Variants in SRGAP3 observed in about 807,000 individuals in gnomAD.
SRGAP3 encodes SLIT-ROBO Rho GTPase-activating protein 3.
In SRGAP3, 39 loss-of-function variants were observed where a neutral mutation model predicts 121.1. The ratio of observed to expected loss-of-function variants is 0.32; its 90% CI spans 0.25 to 0.42. The LOEUF (loss-of-function observed/expected upper bound fraction) is 0.42. Ranked by LOEUF, SRGAP3 falls within the 10% of genes least tolerant of loss-of-function variation. The pLI, the probability that SRGAP3 is intolerant of heterozygous loss-of-function variation, is 1.00. For synonymous variants in SRGAP3, 601 were observed against 570.0 expected (o/e 1.05, Z -0.77); for missense variants, 1,213 against 1,470.6 (o/e 0.82, Z 2.86).
At chr3:9,195,318 C>A (rs1470190959) in intron 1 of SRGAP3, among the ~76,000 whole-genome samples, 5 of 152,318 alleles carry the variant, frequency 3.3e-5, no homozygotes, top group African/African-American at 1.2e-4. Flanking sequence ...TAGTGGCTCA[C>A]AACGTTCCTA....
chr3:9,336,750 G>A (rs1247538050), intron 1 of SRGAP3, among the ~76,000 whole-genome samples: 1 of 152,126 alleles, frequency 6.6e-6, no homozygotes, highest in Admixed American at 6.5e-5. Context: ...ACTCAGATAG[G>A]TGGAATAAGA....
At chr3:8,993,723 C>T (rs1318148463) in intron 19 of SRGAP3, among the ~76,000 whole-genome samples, 1 of 152,138 alleles carries the variant, frequency 6.6e-6, no homozygotes, top group Non-Finnish European at 1.5e-5. Context: ...CTGTTGATCC[C>T]CTTCCCTTGA....
At chr3:9,013,193 G>A (rs1287829013) in intron 17 of SRGAP3, 115 bp downstream of exon 17, 4 of 1,017,150 alleles carry the variant, frequency 3.9e-6, no homozygotes, top group Admixed American at 2.0e-5. Context: ...ATGAGAAAAT[G>A]TATATGGAAG....
At chr3:9,044,524 A>C (rs1452166869) in intron 10 of SRGAP3, among the ~76,000 whole-genome samples, 1 of 152,208 alleles carries the variant, frequency 6.6e-6, no homozygotes, top group African/African-American at 2.4e-5. Context: ...TATTTCGGGA[A>C]TTTTCCATTT....
At chr3:9,125,274 T>G (rs892473922) in intron 1 of SRGAP3, among the ~76,000 whole-genome samples, 2 of 152,186 alleles carry the variant, frequency 1.3e-5, no homozygotes, top group Admixed American at 1.3e-4. Context: ...ATGCAAAGGT[T>G]TCTATCAATA....
chr3:9,047,676 C>A (rs1221902794), intron 9 of SRGAP3, among the ~76,000 whole-genome samples: 1 of 152,244 alleles, frequency 6.6e-6, no homozygotes, highest in East Asian at 1.9e-4. Context: ...CAGGCGGAGG[C>A]CAGGCCCTTG....
chr3:9,183,207 C>T (rs1951483495), intron 1 of SRGAP3, among the ~76,000 whole-genome samples: 1 of 152,214 alleles, frequency 6.6e-6, no homozygotes, highest in African/African-American at 2.4e-5. Context: ...ACTGATGCCA[C>T]ATTGTTTTAA....
intron 3 of SRGAP3, among the ~76,000 whole-genome samples, chr3:9,286,161 C>T (rs907730404): frequency 1.5e-5 from 2 of 136,742 alleles, no homozygotes; most frequent in Non-Finnish European, 3.2e-5. Flanking sequence ...CACACACACA[C>T]ATTTATCTGT....
Position 9,047,410 on chromosome 3 carries a change from G to C in SRGAP3, c.1389C>G (p.Leu463=), listed in dbSNP as rs374169217. 4 of 1,614,054 alleles carry C rather than the reference G, an allele frequency of 2.5e-6. No individual in the cohort carries two copies. The highest frequency in any genetic ancestry group is 1.3e-5 in the African/African-American group (1 of 74,928). Residue 463 remains leucine, a synonymous_variant, in exon 10 of 22, where the codon CTC becomes CTG. Transcript: ENST00000383836. ...ITKLQAKHDL[L]KQTLGEGERA... ...ACTCACCTTCGCCCAGGGTCTGCTT[G>C]AGTAAATCGTGCTTGGCCTGCAGCT... is the stretch of plus-strand genomic sequence containing the variant.
At chr3:9,111,469 A>G (rs937832727) in intron 2 of SRGAP3, among the ~76,000 whole-genome samples, 5 of 152,222 alleles carry the variant, frequency 3.3e-5, no homozygotes, top group Admixed American at 2.0e-4. Flanking sequence ...GGAACTAAGT[A>G]AAGAACAGCC....
chr3:9,277,961 C>A (rs1052703002), intron 3 of SRGAP3, among the ~76,000 whole-genome samples: 1 of 152,130 alleles, frequency 6.6e-6, no homozygotes, highest in African/African-American at 2.4e-5. Flanking sequence ...CCCAAGCTGT[C>A]TTGTCCCTTC....
intron 1 of SRGAP3, among the ~76,000 whole-genome samples, chr3:9,248,542 G>T (rs1953906020): frequency 6.6e-6 from 1 of 152,172 alleles, no homozygotes; most frequent in Non-Finnish European, 1.5e-5. Context: ...CAGGGAAGGG[G>T]TGGAGGTAGT....
At chr3:9,154,119 G>A (rs1950316114) in intron 1 of SRGAP3, among the ~76,000 whole-genome samples, 1 of 152,080 alleles carries the variant, frequency 6.6e-6, no homozygotes. Context: ...TTACCCCACT[G>A]CAGCCCCGCT....
intron 9 of SRGAP3, among the ~76,000 whole-genome samples, chr3:9,051,005 T>G (rs1244745795): frequency 6.8e-6 from 1 of 147,988 alleles, no homozygotes; most frequent in Non-Finnish European, 1.5e-5. Context: ...CCAATCAATA[T>G]TAGCCTCATT....
intron 8 of SRGAP3, among the ~76,000 whole-genome samples, chr3:9,053,908 G>C (rs1028486919): frequency 7.9e-5 from 12 of 152,306 alleles, no homozygotes; most frequent in African/African-American, 2.9e-4. Flanking sequence ...CTTTGCTCTG[G>C]AGGCTGGTTC....
intron 12 of SRGAP3, 41 bp from the exon 13 acceptor site, chr3:9,027,036 A>G: frequency 6.3e-7 from 1 of 1,584,830 alleles, no homozygotes; most frequent in Non-Finnish European, 8.7e-7. Flanking sequence ...GGGCTTGACA[A>G]CCACCACAGG....
At chr3:9,116,454 T>C (rs422552) in intron 2 of SRGAP3, among the ~76,000 whole-genome samples, 44,036 of 152,084 alleles carry the variant, frequency 0.29, 6,791 homozygotes, top group African/African-American at 0.38. Flanking sequence ...CCGACTGAAG[T>C]GAGAGAACCA....
intron 1 of SRGAP3, among the ~76,000 whole-genome samples, chr3:9,190,248 T>C (rs865812002): frequency 2.6e-5 from 4 of 152,190 alleles, no homozygotes; most frequent in Admixed American, 6.5e-5. Flanking sequence ...CCAGTGATCT[T>C]TTCAGCCCTG....
At chr3:9,071,555 TCAC>T (rs754509464) in intron 4 of SRGAP3, among the ~76,000 whole-genome samples, 1 of 152,034 alleles carries the variant, frequency 6.6e-6, no homozygotes, top group Non-Finnish European at 1.5e-5. Context: ...ACCATTTTTG[TCAC>T]CACATGGGAG....
Sources: allele counts gnomAD v4.1 joint callset (sites outside exome capture counted in the v4.1 genomes callset), GRCh38; gene constraint gnomAD v4.1.1; transcripts MANE v1.5; gene names NCBI Gene and HGNC (gene_info 2026-07-23, HGNC 2026-07-21).